SGK1: variants seen among roughly 807,000 people sequenced by gnomAD.
SGK1 encodes serum/glucocorticoid regulated kinase 1, also known as serine/threonine-protein kinase Sgk1.
SGK1 carries 26 observed loss-of-function variants against 64.2 expected under a neutral mutation model. The ratio of observed to expected loss-of-function variants is 0.40; its 90% CI spans 0.30 to 0.56. The LOEUF (loss-of-function observed/expected upper bound fraction) is 0.56, where lower values mean the gene tolerates loss of function less well. SGK1 is among the 20% of genes least tolerant of loss of function. The pLI, the probability that SGK1 is intolerant of heterozygous loss-of-function variation, is 0.38. For synonymous variants in SGK1, 265 were observed against 239.7 expected (o/e 1.11, Z -0.98); for missense variants, 519 against 645.6 (o/e 0.80, Z 2.12).
intron 2 of SGK1, among the ~76,000 whole-genome samples, chr6:134,229,719 A>G (rs1776247266): frequency 6.6e-6 from 1 of 152,170 alleles, no homozygotes; most frequent in Non-Finnish European, 1.5e-5. Context: ...ATATACATGA[A>G]TATATCTGCG....
At chr6:134,232,624 G>A (rs1277624750) in intron 2 of SGK1, among the ~76,000 whole-genome samples, 3 of 152,012 alleles carry the variant, frequency 2.0e-5, no homozygotes, top group African/African-American at 4.8e-5. Flanking sequence ...GCCGAGGTGG[G>A]CAGATCAATT....
At chr6:134,204,848 C>A (rs1214673762) in intron 3 of SGK1, among the ~76,000 whole-genome samples, 4 of 152,176 alleles carry the variant, frequency 2.6e-5, no homozygotes, top group African/African-American at 9.7e-5. Context: ...GCCACCACAC[C>A]CAGCCCGTAA....
chr6:134,190,790 AT>A (rs1288574649), intron 3 of SGK1, among the ~76,000 whole-genome samples: 1 of 152,238 alleles, frequency 6.6e-6, no homozygotes, highest in Non-Finnish European at 1.5e-5. Flanking sequence ...CATTACAAAT[AT>A]TAGAAAGTAC....
At chr6:134,304,259 T>C (rs1053602519) in intron 1 of SGK1, among the ~76,000 whole-genome samples, 2 of 152,186 alleles carry the variant, frequency 1.3e-5, no homozygotes, top group African/African-American at 4.8e-5. Context: ...ATCCACAGAA[T>C]CATGAGTAAA....
At chr6:134,175,494 G>A (rs1250471488) in intron 3 of SGK1, 2 of 1,408,072 alleles carry the variant, frequency 1.4e-6, no homozygotes, top group Middle Eastern at 2.0e-4. Flanking sequence ...CCTCCAAGCC[G>A]CTCTGGGGAA....
At chr6:134,240,826 T>C (rs998962572) in intron 2 of SGK1, among the ~76,000 whole-genome samples, 4 of 152,134 alleles carry the variant, frequency 2.6e-5, no homozygotes, top group Non-Finnish European at 5.9e-5. Context: ...GGTTAGTAGA[T>C]GATGACAGTG....
chr6:134,174,729 CACCG>C, intron 3 of SGK1, 143 bp from the exon 4 acceptor site: 23 of 1,614,208 alleles, frequency 1.4e-5, no homozygotes, highest in Non-Finnish European at 1.9e-5. Context: ...TTCCTGCACT[CACCG>C]ATGAGAATTG....
At chr6:134,256,619 C>T (rs1365045560) in intron 2 of SGK1, among the ~76,000 whole-genome samples, 1 of 152,124 alleles carries the variant, frequency 6.6e-6, no homozygotes, top group Non-Finnish European at 1.5e-5. Context: ...CGAAAAACTA[C>T]TTTTGGTCTC....
chr6:134,198,358 C>A (rs1052391172), intron 3 of SGK1, among the ~76,000 whole-genome samples: 1 of 152,168 alleles, frequency 6.6e-6, no homozygotes. Context: ...ATGGAAAATT[C>A]TTGTGTAAGC....
At chr6:134,235,097 G>A (rs976612924) in intron 2 of SGK1, among the ~76,000 whole-genome samples, 1 of 152,098 alleles carries the variant, frequency 6.6e-6, no homozygotes, top group Admixed American at 6.6e-5. Context: ...GGTTATCATC[G>A]CTGAGTATAA....
rs1774966575 is a variant in SGK1, at chr6:134,170,207, A to G, written c.*61T>C. 1.4e-6 allele frequency: 2 copies of G among 1,449,418 alleles called. No homozygotes were observed. The highest frequency in any genetic ancestry group is 2.8e-5 in the African/African-American group (2 of 70,782). 89.8% of individuals were successfully genotyped at this position (1,449,418 alleles called of 1,614,324 possible). On this transcript the variant is annotated 3_prime_UTR_variant, in exon 14 of 14. Transcript: ENST00000367858. ...CCTGTCAGCTGGCGGCTCCACCAAAAGGCTAACTAAAACATTCGGAAACAC... is the reference window on the plus strand; with the variant it reads ...CCTGTCAGCTGGCGGCTCCACCAAAGGGCTAACTAAAACATTCGGAAACAC...
chr6:134,272,275 G>A (rs1222969324), intron 1 of SGK1, among the ~76,000 whole-genome samples: 1 of 143,776 alleles, frequency 7.0e-6, no homozygotes, highest in African/African-American at 2.5e-5. Context: ...TGAGTAACTG[G>A]GATCACAAGT....
intron 2 of SGK1, among the ~76,000 whole-genome samples, chr6:134,226,398 G>GT (rs1299172567): frequency 1.3e-5 from 2 of 151,132 alleles, no homozygotes; most frequent in Non-Finnish European, 3.0e-5. Context: ...TTTTGTTTTT[G>GT]TTTTTTTAAA....
At chr6:134,238,904 A>G (rs1214534183) in intron 2 of SGK1, among the ~76,000 whole-genome samples, 1 of 152,182 alleles carries the variant, frequency 6.6e-6, no homozygotes, top group African/African-American at 2.4e-5. Flanking sequence ...CCACCAATCT[A>G]TTTTTCAGAA....
chr6:134,285,477 C>CAA (rs778766999), intron 1 of SGK1, among the ~76,000 whole-genome samples: 53 of 68,448 alleles, frequency 7.7e-4, no homozygotes, highest in Middle Eastern at 7.7e-3. Flanking sequence ...GACTCTGCCT[C>CAA]AAAAAAAAAA....
chr6:134,301,531 TTCTTC>T (rs56681881), intron 1 of SGK1, among the ~76,000 whole-genome samples: 27,886 of 138,604 alleles, frequency 0.2, 2,814 homozygotes, highest in Middle Eastern at 0.22. Flanking sequence ...CTTTTCTCTT[TTCTTC>T]TCTTCTCTTC....
intron 3 of SGK1, among the ~76,000 whole-genome samples, chr6:134,180,891 C>T (rs1014003059): frequency 2.0e-5 from 3 of 149,610 alleles, no homozygotes; most frequent in Non-Finnish European, 4.4e-5. Flanking sequence ...AAAAAAAGGA[C>T]TCTGGCCTTA....
chr6:134,210,597 G>A (rs933716338), intron 2 of SGK1, among the ~76,000 whole-genome samples: 2 of 151,944 alleles, frequency 1.3e-5, no homozygotes, highest in South Asian at 2.1e-4. Flanking sequence ...AGGCCGAGGC[G>A]GGTGGATCAC....
chr6:134,267,135 C>G lies in SGK1; in HGVS notation c.70-4987G>C, dbSNP rs184822157. Among the ~76,000 whole-genome samples the G allele has an allele frequency of 1.6e-3, 239 of 152,128 alleles. 1 individual carries two copies. The highest frequency in any genetic ancestry group is 5.4e-3 in the African/African-American group (224 of 41,524). ...TATCTCCCCTGACTCCCTGAACACC[C>G]GCACTCTAGAGCTTGAGTTATGGCC... is the stretch of plus-strand genomic sequence containing the variant. On this transcript the variant is annotated intron_variant, in intron 1 of 13. Transcript: ENST00000367858.
Sources: allele counts gnomAD v4.1 joint callset (sites outside exome capture counted in the v4.1 genomes callset), GRCh38; gene constraint gnomAD v4.1.1; transcripts MANE v1.5; gene names NCBI Gene and HGNC (gene_info 2026-07-23, HGNC 2026-07-21).